The following FOXP2 variants were observed in gnomAD, a reference collection of about 807,000 sequenced individuals.
The protein encoded by FOXP2 is forkhead box protein P2.
In FOXP2, 12 loss-of-function variants were observed where a neutral mutation model predicts 115.8. The ratio of observed to expected loss-of-function variants is 0.10; its 90% CI spans 0.07 to 0.17. FOXP2 has a LOEUF of 0.17. FOXP2 is among the 10% of genes least tolerant of loss of function. The pLI, the probability that FOXP2 is intolerant of heterozygous loss-of-function variation, is 1.00. For missense variants in FOXP2, 629 were observed against 843.5 expected, an observed-to-expected ratio of 0.75 and a Z score of 3.15; for synonymous variants, 328 against 297.7, an observed-to-expected ratio of 1.10 and a Z score of -1.05.
chr7:114,093,739 A>C (rs1799587996), intron 1 of FOXP2, among the ~76,000 whole-genome samples: 1 of 151,884 alleles, frequency 6.6e-6, no homozygotes, highest in Non-Finnish European at 1.5e-5. Context: ...TTCAAGTTCC[A>C]TTTTCTATAT....
At chr7:114,671,776 A>G (rs963728912) in intron 16 of FOXP2, among the ~76,000 whole-genome samples, 29 of 152,342 alleles carry the variant, frequency 1.9e-4, no homozygotes, top group Middle Eastern at 3.4e-3. Context: ...GACCAGAGGC[A>G]TTTAATAAAT....
At chr7:114,270,129 C>T (rs140845497) in intron 1 of FOXP2, among the ~76,000 whole-genome samples, 2,748 of 152,210 alleles carry the variant, frequency 0.018, 39 homozygotes, top group African/African-American at 0.036. Context: ...TAAGGTTTTT[C>T]CATGTCTTTC....
At chr7:114,137,486 C>G (rs1307679274) in intron 1 of FOXP2, among the ~76,000 whole-genome samples, 1 of 152,044 alleles carries the variant, frequency 6.6e-6, no homozygotes, top group Admixed American at 6.6e-5. Flanking sequence ...ATGGAGTGCT[C>G]AGGAGAACCA....
At chr7:114,486,579 GT>G (rs1796786762) in intron 2 of FOXP2, among the ~76,000 whole-genome samples, 1 of 152,238 alleles carries the variant, frequency 6.6e-6, no homozygotes, top group East Asian at 1.9e-4. Flanking sequence ...AACGTCCACA[GT>G]CCAAAGCCTC....
chr7:114,383,964 T>G (rs902612247), intron 2 of FOXP2, among the ~76,000 whole-genome samples: 25 of 152,116 alleles, frequency 1.6e-4, no homozygotes, highest in African/African-American at 6.0e-4. Context: ...TGCACTCCCT[T>G]TCCCACCTTT....
intron 2 of FOXP2, among the ~76,000 whole-genome samples, chr7:114,516,704 T>G (rs1798362063): frequency 7.1e-6 from 1 of 140,940 alleles, no homozygotes; most frequent in Non-Finnish European, 1.5e-5. Flanking sequence ...TTGTTTTTTG[T>G]TTTTTTTTTG....
At position 114,540,129 on chromosome 7, in the gene FOXP2, C is replaced by T. The variant is rs759679908; in HGVS notation, c.258+5423C>T. On this transcript the variant is annotated intron_variant, in intron 3 of 16. Transcript: ENST00000350908. ...TATATTCTATATCATAGCATTTGGC[C>T]GTAATTTGTTACTATTACCAGCTAT... Among the ~76,000 whole-genome samples the T allele has an allele frequency of 4.0e-5, 6 of 151,808 alleles. No individual in the cohort carries two copies. The East Asian group carries it at 7.7e-4, about 20-fold the overall frequency.
chr7:114,468,899 C>G (rs780554658), intron 2 of FOXP2, among the ~76,000 whole-genome samples: 7 of 152,102 alleles, frequency 4.6e-5, no homozygotes, highest in Non-Finnish European at 7.4e-5. Context: ...GAAAAAAAGT[C>G]ATTAATGAAG....
intron 3 of FOXP2, among the ~76,000 whole-genome samples, chr7:114,588,224 G>A (rs776371332): frequency 1.3e-5 from 2 of 151,710 alleles, no homozygotes; most frequent in Admixed American, 6.6e-5. Context: ...GGAGAATGGC[G>A]TGAACCTGAG....
chr7:114,096,196 A>G (rs546222299), intron 1 of FOXP2, among the ~76,000 whole-genome samples: 2 of 152,340 alleles, frequency 1.3e-5, no homozygotes, highest in East Asian at 3.9e-4. Flanking sequence ...GCCGGGGATA[A>G]TAATTATGGT....
At chr7:114,624,925 T>C (rs1365877365) in intron 3 of FOXP2, among the ~76,000 whole-genome samples, 2 of 151,496 alleles carry the variant, frequency 1.3e-5, no homozygotes, top group Non-Finnish European at 3.0e-5. Context: ...ACCTAAATTT[T>C]TTTTTTTACT....
intron 1 of FOXP2, among the ~76,000 whole-genome samples, chr7:114,095,643 G>A (rs1158497822): frequency 1.3e-5 from 2 of 152,150 alleles, no homozygotes; most frequent in Non-Finnish European, 2.9e-5. Flanking sequence ...TTTCCCTGAC[G>A]CTTCTATCAT....
intron 3 of FOXP2, among the ~76,000 whole-genome samples, chr7:114,617,493 C>G (rs1804012097): frequency 6.6e-6 from 1 of 151,866 alleles, no homozygotes; most frequent in Non-Finnish European, 1.5e-5. Flanking sequence ...TTTCCCTACT[C>G]TCTAATCCAG....
At chr7:114,610,783 T>C (rs1020505327) in intron 3 of FOXP2, among the ~76,000 whole-genome samples, 5 of 151,966 alleles carry the variant, frequency 3.3e-5, no homozygotes, top group Middle Eastern at 3.4e-3. Context: ...CACAGACATA[T>C]GCCACCATGT....
intron 2 of FOXP2, among the ~76,000 whole-genome samples, chr7:114,355,325 C>T (rs1162548036): frequency 6.6e-6 from 1 of 152,134 alleles, no homozygotes; most frequent in Non-Finnish European, 1.5e-5. Flanking sequence ...ACTTTGATTT[C>T]CCTGTCCCAT....
chr7:114,324,571 G>A (rs1407793458), intron 2 of FOXP2, among the ~76,000 whole-genome samples: 1 of 151,268 alleles, frequency 6.6e-6, no homozygotes, highest in Non-Finnish European at 1.5e-5. Flanking sequence ...CTTTTCTCTA[G>A]TTGCATATGA....
chr7:114,485,368 A>T lies in FOXP2; in HGVS notation c.169-49249A>T, dbSNP rs556855202. Among the ~76,000 whole-genome samples the T allele has an allele frequency of 1.5e-3, 231 of 152,106 alleles. 2 individuals carry two copies. Among genetic ancestry groups the T allele is most frequent in the African/African-American group, 5.1e-3 (212 of 41,572 alleles). On this transcript the variant is annotated intron_variant, in intron 2 of 16. Coordinates refer to ENST00000350908, the MANE Select transcript of FOXP2 (RefSeq NM_014491.4). ...TGGTAGAATTTGAAATACTAAGAAC[A>T]TTCAGCATAGTTTTAGAAATACTAA...
At chr7:114,214,803 G>A (rs1362346265) in intron 1 of FOXP2, among the ~76,000 whole-genome samples, 1 of 152,120 alleles carries the variant, frequency 6.6e-6, no homozygotes, top group Non-Finnish European at 1.5e-5. Flanking sequence ...CATTTTGTTA[G>A]TTTCCTAGGG....
chr7:114,228,133 C>T (rs1477687264), intron 1 of FOXP2, among the ~76,000 whole-genome samples: 1 of 151,962 alleles, frequency 6.6e-6, no homozygotes, highest in Non-Finnish European at 1.5e-5. Context: ...TGGTACAATA[C>T]TATGTGGTCA....
Sources: allele counts gnomAD v4.1 joint callset (sites outside exome capture counted in the v4.1 genomes callset), GRCh38; gene constraint gnomAD v4.1.1; transcripts MANE v1.5; gene names NCBI Gene and HGNC (gene_info 2026-07-23, HGNC 2026-07-21).